RTN4: variants seen among roughly 807,000 people sequenced by gnomAD.
RTN4 encodes reticulon 4.
A neutral mutation model predicts 90.4 loss-of-function variants in RTN4; 32 were observed. That is an observed-to-expected ratio of 0.35 (90% confidence interval 0.27 to 0.48). RTN4 has a LOEUF of 0.48. Ranked by LOEUF, RTN4 falls within the 20% of genes least tolerant of loss-of-function variation. The probability of loss-of-function intolerance (pLI) is 0.99; values close to 1 mark genes in which losing one functional copy is unlikely to be tolerated. For synonymous variants in RTN4, 629 were observed against 552.5 expected, an observed-to-expected ratio of 1.14 and a Z score of -1.94; for missense variants, 1,706 against 1,430.2, an observed-to-expected ratio of 1.19 and a Z score of -3.11.
chr2:55,052,134 G>C (rs1051812020), upstream of RTN4, among the ~76,000 whole-genome samples: 1 of 152,150 alleles, frequency 6.6e-6, no homozygotes, highest in East Asian at 1.9e-4. Context: ...TGTAATGGTG[G>C]ATACATAACA....
intron 2 of RTN4, among the ~76,000 whole-genome samples, chr2:55,063,527 C>CT (rs888077345): frequency 4.0e-5 from 6 of 151,250 alleles, no homozygotes; most frequent in South Asian, 2.1e-4. Context: ...AATGAGTTGA[C>CT]TTTTTTTTTC....
intron 3 of RTN4, chr2:55,014,284 C>G (rs1007195123): frequency 6.6e-6 from 1 of 151,772 alleles, no homozygotes; most frequent in African/African-American, 2.4e-5. Context: ...CATAAGGTAC[C>G]AAAAATGAAT....
chr2:55,134,560 A>G, the RTN4 span, among the ~76,000 whole-genome samples: 15 of 152,230 alleles, frequency 9.9e-5, no homozygotes, highest in Non-Finnish European at 2.1e-4. Flanking sequence ...AATAAAGTGC[A>G]GTTTGCTTCC....
Position 54,977,469 on chromosome 2 carries a change from C to T in RTN4, c.3361-2705G>A, listed in dbSNP as rs3769327. ...ATTGTGTTCTGGAACATTATAGTTG[C>T]GCCTCAATTACAGAAAAGTAAGAAC... On this transcript the variant is annotated intron_variant, in intron 5 of 8. Coordinates refer to ENST00000337526, the MANE Select transcript of RTN4 (RefSeq NM_020532.5). 1.6e-3 allele frequency among the ~76,000 whole-genome samples: 239 copies of T among 147,090 alleles called. 4 individuals carry two copies. The East Asian group carries it at 0.049, about 30-fold the overall frequency.
intron 1 of RTN4, among the ~76,000 whole-genome samples, chr2:55,090,045 AGATTTATTTAATGAAAGTC>A (rs1363583090): frequency 6.6e-6 from 1 of 152,176 alleles, no homozygotes; most frequent in African/African-American, 2.4e-5. Flanking sequence ...TTCTAAGGAG[AGATTTATTTAATGAAAGTC>A]TTTTTTTTCT....
intron 2 of RTN4, among the ~76,000 whole-genome samples, chr2:55,071,875 T>C (rs1380331245): frequency 1.3e-5 from 2 of 152,232 alleles, no homozygotes; most frequent in African/African-American, 4.8e-5. Context: ...AAAGATGTTA[T>C]AATGACTGGG....
intron 5 of RTN4, among the ~76,000 whole-genome samples, chr2:54,981,683 C>T (rs1678140349): frequency 6.6e-6 from 1 of 152,138 alleles, no homozygotes. Flanking sequence ...TTAACAGCTG[C>T]TTATGTAGCG....
rs372699528 is a variant in RTN4 at position 54,982,536 on chromosome 2, A to T, written c.3339T>A (p.Asp1113Glu). 17 of 1,611,090 alleles carry T rather than the reference A, an allele frequency of 1.1e-5. No individual in the cohort carries two copies. In the African/African-American group the frequency reaches 1.9e-4, roughly 18 times the overall value. ...TTACCTTCAGAGAATCAACTAAATC[A>T]TCAACTAAGAAGAGGCGCCTGAGTT... ...IKELRRLFLV[D>E]DLVDSLKFAV... is the part of the protein sequence containing the mutation. Residue 1113 changes from aspartate (D) to glutamate (E), a missense_variant, in exon 5 of 9, where the codon GAT becomes GAA. Physicochemically the swap from Asp to Glu is conservative, Grantham distance 45. Transcript: ENST00000337526.
At chr2:55,028,131 A>G in intron 2 of RTN4, 33 bp downstream of exon 2, 2 of 1,593,696 alleles carry the variant, frequency 1.3e-6, no homozygotes, top group South Asian at 1.1e-5. Flanking sequence ...GTTAGAATAC[A>G]GAGAGGATAA....
intron 2 of RTN4, among the ~76,000 whole-genome samples, chr2:55,076,028 G>A (rs1478524879): frequency 6.6e-6 from 1 of 152,138 alleles, no homozygotes; most frequent in East Asian, 1.9e-4. Context: ...TTTAGTCAAA[G>A]ACTTCATGAC....
intron 3 of RTN4, among the ~76,000 whole-genome samples, chr2:55,018,349 G>C (rs998387078): frequency 6.6e-6 from 1 of 152,120 alleles, no homozygotes; most frequent in Admixed American, 6.5e-5. Context: ...TGAAACAAAT[G>C]AAGCTAATTG....
chr2:55,074,051 G>A (rs1209654019), intron 2 of RTN4, among the ~76,000 whole-genome samples: 2 of 152,228 alleles, frequency 1.3e-5, no homozygotes, highest in African/African-American at 4.8e-5. Flanking sequence ...CAGATGGCAA[G>A]TAAGTAAACA....
the RTN4 span, among the ~76,000 whole-genome samples, chr2:55,137,629 C>T: frequency 6.6e-6 from 1 of 152,054 alleles, no homozygotes; most frequent in Non-Finnish European, 1.5e-5. Flanking sequence ...CACAGGTGCC[C>T]CCTCAACCTG....
At chr2:55,052,279 T>C (rs2104991489), upstream of RTN4, among the ~76,000 whole-genome samples, 1 of 152,306 alleles carries the variant, frequency 6.6e-6, no homozygotes, top group East Asian at 1.9e-4. Context: ...TGCGTTATGT[T>C]AATAATAATA....
At chr2:55,021,457 G>T (rs1681431525) in intron 3 of RTN4, among the ~76,000 whole-genome samples, 1 of 148,648 alleles carries the variant, frequency 6.7e-6, no homozygotes. Context: ...ACTCTTACCT[G>T]CTTTTACACT....
At chr2:55,028,357 G>A in intron 1 of RTN4, 137 bp from the exon 2 acceptor site, 1 of 635,682 alleles carries the variant, frequency 1.6e-6, no homozygotes, top group Non-Finnish European at 2.7e-6. Flanking sequence ...AAGATCAAAA[G>A]GAAGTCAGAA....
At chr2:54,978,081 G>T (rs1344184627) in intron 5 of RTN4, among the ~76,000 whole-genome samples, 1 of 152,200 alleles carries the variant, frequency 6.6e-6, no homozygotes, top group Non-Finnish European at 1.5e-5. Context: ...TCACATGCTA[G>T]CAAGAGCGGC....
the RTN4 span, among the ~76,000 whole-genome samples, chr2:55,122,344 G>A: frequency 2.6e-5 from 4 of 152,054 alleles, no homozygotes; most frequent in African/African-American, 4.8e-5. Context: ...AGTGCTTTCC[G>A]GCTTACAACA....
chr2:54,977,612 G>C (rs1677742869), intron 5 of RTN4, among the ~76,000 whole-genome samples: 1 of 152,084 alleles, frequency 6.6e-6, no homozygotes, highest in Admixed American at 6.5e-5. Flanking sequence ...GACTCAATTA[G>C]CCCAAAAGCT....
Sources: gnomAD v4.1 joint callset for allele counts (sites outside exome capture counted in the v4.1 genomes callset) on GRCh38, gnomAD v4.1.1 for gene constraint, MANE v1.5 for transcripts, NCBI Gene and HGNC (gene_info 2026-07-23, HGNC 2026-07-21) for gene names.